Variants in RILPL1 observed in about 807,000 individuals in gnomAD.
RILPL1 encodes Rab interacting lysosomal protein like 1.
RILPL1 carries 33 observed loss-of-function variants against 50.3 expected under a neutral mutation model. The observed-to-expected ratio is 0.66, with a 90% CI of 0.50 to 0.88. The LOEUF is 0.88. Ranked by LOEUF, RILPL1 falls within the 40% of genes least tolerant of loss-of-function variation. The probability of loss-of-function intolerance (pLI) is 0.00; values close to 1 mark genes in which losing one functional copy is unlikely to be tolerated. For synonymous variants in RILPL1, 205 were observed against 228.6 expected (o/e 0.90, Z 0.93); for missense variants, 418 against 542.5 (o/e 0.77, Z 2.28).
chr12:123,491,962 G>A lies in RILPL1; in HGVS notation c.802-6157C>T, dbSNP rs750180564. On this transcript the variant is annotated intron_variant, in intron 4 of 6. Transcript: ENST00000376874. The surrounding 1 kb of genome is among the most constrained non-coding windows in gnomAD (Gnocchi z 4.0). ...GCGGAGGTTGTGGTGAGCCAAGATC[G>A]TGCCATTGCACTCCAGCCTGGGTGA... 3.9e-5 allele frequency among the ~76,000 whole-genome samples: 6 copies of A among 151,940 alleles called. No individual in the cohort carries two copies. Among genetic ancestry groups the A allele is most frequent in the Non-Finnish European group, 5.9e-5 (4 of 68,022 alleles).
chr12:123,514,624 C>T (rs1248229917), intron 2 of RILPL1, among the ~76,000 whole-genome samples: 3 of 151,936 alleles, frequency 2.0e-5, no homozygotes, highest in African/African-American at 7.3e-5. Flanking sequence ...TGGGGTTTCA[C>T]CATGTTGGCC....
chr12:123,490,212 G>T (rs572035257), intron 4 of RILPL1, among the ~76,000 whole-genome samples: 33 of 152,086 alleles, frequency 2.2e-4, no homozygotes, highest in African/African-American at 6.5e-4. Context: ...TCTGACAGCC[G>T]TCCCCACACC....
At chr12:123,513,295 C>A in intron 2 of RILPL1, 1 of 322,588 alleles carries the variant, frequency 3.1e-6, no homozygotes, top group Non-Finnish European at 6.5e-6. Context: ...CTCCCGACCC[C>A]CCGCCTGCCA....
chr12:123,528,104 C>A (rs996447603), intron 1 of RILPL1, among the ~76,000 whole-genome samples: 2 of 152,190 alleles, frequency 1.3e-5, no homozygotes, highest in Admixed American at 6.5e-5. Context: ...TGGTGGGTCA[C>A]GCCTGTAATT....
chr12:123,512,508 CTG>C (rs984772063), intron 2 of RILPL1, among the ~76,000 whole-genome samples: 6 of 70,120 alleles, frequency 8.6e-5, no homozygotes, highest in Non-Finnish European at 1.1e-4. Flanking sequence ...GGTGTGAGAT[CTG>C]TGTGTGTGTG....
intron 2 of RILPL1, chr12:123,513,414 C>G (rs1010991037): frequency 1.8e-5 from 6 of 331,546 alleles, no homozygotes; most frequent in Non-Finnish European, 3.2e-5. Flanking sequence ...GGGAGGCGAG[C>G]ATGAGGAGAG....
chr12:123,471,900 A>G lies in RILPL1; in HGVS notation c.*638T>C, dbSNP rs1881212355. 6.5e-6 allele frequency: 1 copy of G among 153,188 alleles called. No individual in the cohort carries two copies. The highest frequency in any genetic ancestry group is 1.5e-5 in the Non-Finnish European group (1 of 68,444). 9.5% of individuals were successfully genotyped at this position (153,188 alleles called of 1,614,324 possible). A position where few individuals can be genotyped will look rare whatever the true frequency, so the allele number is the denominator to read the frequency against. On this transcript the variant is annotated 3_prime_UTR_variant, in exon 7 of 7. Coordinates refer to ENST00000376874, the MANE Select transcript of RILPL1 (RefSeq NM_178314.5). ...CAAGGCACCTGCCTTGAACATTGCT[A>G]CATGCTCTAGGCATTATCAGGAACG... is the stretch of plus-strand genomic sequence containing the variant.
chr12:123,482,926 G>A (rs1882089828), intron 6 of RILPL1, among the ~76,000 whole-genome samples: 1 of 152,062 alleles, frequency 6.6e-6, no homozygotes, highest in African/African-American at 2.4e-5. Flanking sequence ...TTTCTAAGAG[G>A]AGAGGGCCCA....
In RILPL1 at chr12:123,472,385, G is replaced by T; in HGVS notation, c.*153C>A. ...TAGAGTTTGGCGTCAGTTTTTCAATGTCCATCCTCAAATCAGACAGTCTGT... is the reference window on the plus strand; with the variant it reads ...TAGAGTTTGGCGTCAGTTTTTCAATTTCCATCCTCAAATCAGACAGTCTGT... On this transcript the variant is annotated 3_prime_UTR_variant, in exon 7 of 7. Coordinates refer to ENST00000376874, the MANE Select transcript of RILPL1 (RefSeq NM_178314.5). 1 of 751,672 alleles carries T rather than the reference G, an allele frequency of 1.3e-6. No individual in the cohort carries two copies. The highest frequency in any genetic ancestry group is 2.1e-6 in the Non-Finnish European group (1 of 472,378). The allele number at this position is 751,672 out of a possible 1,614,324, so 46.6% of individuals were successfully genotyped here.
chr12:123,514,594 T>C (rs909269418), intron 2 of RILPL1, among the ~76,000 whole-genome samples: 1 of 151,958 alleles, frequency 6.6e-6, no homozygotes, highest in African/African-American at 2.4e-5. Context: ...GCCTGGCTAA[T>C]ATTTGTATTT....
chr12:123,513,377 G>A, intron 2 of RILPL1: 1 of 389,834 alleles, frequency 2.6e-6, no homozygotes. Context: ...CCTTGCTGGG[G>A]CTGCCTTGGC....
At chr12:123,512,507 T>G (rs1593587558) in intron 2 of RILPL1, among the ~76,000 whole-genome samples, 4 of 114,032 alleles carry the variant, frequency 3.5e-5, no homozygotes, top group East Asian at 2.9e-4. Flanking sequence ...TGGTGTGAGA[T>G]CTGTGTGTGT....
At chr12:123,502,611 C>T (rs1408724591) in intron 2 of RILPL1, among the ~76,000 whole-genome samples, 5 of 152,036 alleles carry the variant, frequency 3.3e-5, no homozygotes, top group Non-Finnish European at 5.9e-5. Context: ...GAGGGCAAGG[C>T]CCTATCTGCC....
chr12:123,478,792 A>G (rs1407834102), intron 6 of RILPL1, among the ~76,000 whole-genome samples: 2 of 152,134 alleles, frequency 1.3e-5, no homozygotes, highest in African/African-American at 2.4e-5. Flanking sequence ...GTGTGCGTCC[A>G]TGGGACCATG....
intron 2 of RILPL1, among the ~76,000 whole-genome samples, chr12:123,521,612 CATATGTGTATATATAT>C (rs1181528577): frequency 0.12 from 5,707 of 47,762 alleles, 156 homozygotes; most frequent in South Asian, 0.26. Flanking sequence ...TATATACACA[CATATGTGTATATATAT>C]ACACACATAT....
intron 2 of RILPL1, chr12:123,518,274 C>G (rs555605949): frequency 8.0e-6 from 3 of 374,880 alleles, no homozygotes; most frequent in South Asian, 5.9e-5. Context: ...GACTCCAAGG[C>G]AGGAGGATTG....
At chr12:123,512,525 CTGTGTGTGTGTGGTCTGTGTGTGGTG>C (rs1884394135) in intron 2 of RILPL1, among the ~76,000 whole-genome samples, 2 of 80,834 alleles carry the variant, frequency 2.5e-5, no homozygotes, top group African/African-American at 1.1e-4. Flanking sequence ...TGTGTGAGGT[CTGTGTGTGTGTGGTCTGTGTGTGGTG>C]TGTGTGTGAG....
intron 4 of RILPL1, among the ~76,000 whole-genome samples, chr12:123,490,898 G>T (rs939709187): frequency 5.9e-5 from 9 of 152,110 alleles, no homozygotes; most frequent in Admixed American, 1.3e-4. Flanking sequence ...GTACAGGCAT[G>T]CGCCACCATG....
At chr12:123,511,834 C>G (rs1432686243) in intron 2 of RILPL1, among the ~76,000 whole-genome samples, 3 of 74,856 alleles carry the variant, frequency 4.0e-5, no homozygotes, top group Non-Finnish European at 7.3e-5. Context: ...TGTGTGAGAT[C>G]TGTATGTGTG....
Sources: allele counts gnomAD v4.1 joint callset (sites outside exome capture counted in the v4.1 genomes callset), GRCh38; gene constraint gnomAD v4.1.1; non-coding constraint Gnocchi (gnomAD v3.1); transcripts MANE v1.5; gene names NCBI Gene and HGNC (gene_info 2026-07-23, HGNC 2026-07-21).